The following IL17D variants were observed in gnomAD, a reference collection of about 807,000 sequenced individuals.
IL17D encodes interleukin 17D.
In IL17D, 10 loss-of-function variants were observed where a neutral mutation model predicts 5.7. The observed-to-expected ratio is 1.75, with a 90% confidence interval of 1.08 to 2.97. The LOEUF (loss-of-function observed/expected upper bound fraction) is 2.97, where lower values mean the gene tolerates loss of function less well. Among genes scored for constraint, IL17D ranks in the 30% most tolerant of loss-of-function variants. The pLI is 0.00. For missense variants in IL17D, 354 were observed against 292.7 expected, an observed-to-expected ratio of 1.21 and a Z score of -1.53; for synonymous variants, 172 against 141.7, an observed-to-expected ratio of 1.21 and a Z score of -1.52.
chr13:20,712,729 C>T (rs1341881228), intron 1 of IL17D: 1 of 151,882 alleles, frequency 6.6e-6, no homozygotes, highest in Admixed American at 6.6e-5. Context: ...ACGCGCGTCC[C>T]CACTGTCTTG....
chr13:20,721,808 G>C lies in IL17D; in HGVS notation c.463G>C (p.Val155Leu). The C allele has an allele frequency of 2.5e-6, 4 of 1,609,988 alleles. No homozygotes were observed. The highest frequency in any genetic ancestry group is 1.1e-5 in the South Asian group (1 of 91,044). ...RTPACAGGRS[V>L]YTEAYVTIPV... Reference sequence around the variant, plus strand: ...CCCCGCCTGCGCCGGCGGCCGTTCCGTCTACACCGAGGCCTACGTCACCAT... The same window carrying C: ...CCCCGCCTGCGCCGGCGGCCGTTCCCTCTACACCGAGGCCTACGTCACCAT... Residue 155 changes from valine to leucine, a missense_variant, in exon 2 of 2, where the codon GTC becomes CTC. Coordinates refer to ENST00000682841, the MANE Select transcript of IL17D (RefSeq NM_001385224.1).
intron 1 of IL17D, among the ~76,000 whole-genome samples, chr13:20,705,436 G>A (rs891585489): frequency 2.0e-5 from 3 of 152,162 alleles, no homozygotes; most frequent in Non-Finnish European, 2.9e-5. Context: ...TCACCCTCAC[G>A]CCTGGAATCC....
chr13:20,714,491 T>A (rs2058663775), intron 1 of IL17D, among the ~76,000 whole-genome samples: 1 of 152,236 alleles, frequency 6.6e-6, no homozygotes. Flanking sequence ...GTGCCTCAGT[T>A]TCCTCACGAG....
chr13:20,721,478 G>C (rs2058733691), intron 1 of IL17D, among the ~76,000 whole-genome samples, 158 bp from the exon 2 acceptor site: 1 of 152,258 alleles, frequency 6.6e-6, no homozygotes, highest in Non-Finnish European at 1.5e-5. Flanking sequence ...GGAAGCGCCG[G>C]GCAGATCTGT....
chr13:20,704,502 GGGTAC>G (rs1186923376), intron 1 of IL17D, among the ~76,000 whole-genome samples: 1 of 135,512 alleles, frequency 7.4e-6, no homozygotes, highest in Non-Finnish European at 1.6e-5. Flanking sequence ...AGACAGGGTA[GGGTAC>G]GGTAGGGTGG....
intron 1 of IL17D, among the ~76,000 whole-genome samples, chr13:20,715,037 C>T (rs772135007): frequency 8.5e-5 from 13 of 152,220 alleles, no homozygotes; most frequent in Non-Finnish European, 1.3e-4. Context: ...CCCCTTCCTT[C>T]CCCTGTGGTC....
chr13:20,711,628 C>T (rs1019695034), intron 1 of IL17D, among the ~76,000 whole-genome samples: 3 of 152,172 alleles, frequency 2.0e-5, no homozygotes, highest in Non-Finnish European at 2.9e-5. Flanking sequence ...CAACGGCATT[C>T]GAAGAGGCCA....
chr13:20,719,252 A>C (rs532644791), intron 1 of IL17D, among the ~76,000 whole-genome samples: 1 of 107,354 alleles, frequency 9.3e-6, no homozygotes, highest in African/African-American at 3.6e-5. Flanking sequence ...CACCTGCCCA[A>C]ACATGCCCAC....
chr13:20,706,209 G>A (rs895224875), intron 1 of IL17D, among the ~76,000 whole-genome samples: 7 of 152,184 alleles, frequency 4.6e-5, no homozygotes, highest in South Asian at 2.1e-4. Context: ...CACACATGGC[G>A]CCATTCATTC....
intron 1 of IL17D, among the ~76,000 whole-genome samples, chr13:20,720,885 C>G (rs963378751): frequency 7.1e-6 from 1 of 139,902 alleles, no homozygotes; most frequent in Admixed American, 7.1e-5. Context: ...CCCCCCCCCC[C>G]CTCCCCCGGC....
chr13:20,702,040 AGACT>A (rs1305362549), upstream of IL17D: 13 of 152,242 alleles, frequency 8.5e-5, no homozygotes, highest in Admixed American at 2.6e-4. Flanking sequence ...GAAATGAGAC[AGACT>A]GAGTATTTCT....
At chr13:20,708,135 A>C (rs2058604651) in intron 1 of IL17D, among the ~76,000 whole-genome samples, 1 of 152,088 alleles carries the variant, frequency 6.6e-6, no homozygotes, top group South Asian at 2.1e-4. Context: ...CTGGTCTCGA[A>C]CTCCTGGCCT....
chr13:20,722,288 C>A lies in IL17D; in HGVS notation c.*334C>A, dbSNP rs1233474295. 6.3e-6 allele frequency: 2 copies of A among 316,336 alleles called. No homozygotes were observed. Among genetic ancestry groups the A allele is most frequent in the African/African-American group, 2.2e-5 (1 of 46,054 alleles). 19.6% of individuals were successfully genotyped at this position (316,336 alleles called of 1,614,324 possible). ...CAGATCGGCTGCTGCGGGTGCAGGG[C>A]GTGACTCACCGCTGGGTGCTTGCCA... On this transcript the variant is annotated 3_prime_UTR_variant, in exon 2 of 2. Coordinates refer to ENST00000682841, the MANE Select transcript of IL17D (RefSeq NM_001385224.1).
intron 1 of IL17D, among the ~76,000 whole-genome samples, chr13:20,708,718 G>A (rs2058609284): frequency 6.6e-6 from 1 of 151,304 alleles, no homozygotes; most frequent in East Asian, 1.9e-4. Flanking sequence ...GACCAGTGAC[G>A]GCCGGGTGCG....
chr13:20,721,969 C>A lies in IL17D; in HGVS notation c.*15C>A, dbSNP rs779781360. ...CTGGCCCCTGAGGCCGGTCCTGCCC[C>A]GGGAGGTCTCCCCGGCCCGCATCCC... On this transcript the variant is annotated 3_prime_UTR_variant, in exon 2 of 2. Coordinates refer to ENST00000682841, the MANE Select transcript of IL17D (RefSeq NM_001385224.1). 5 of 1,562,862 alleles carry A rather than the reference C, an allele frequency of 3.2e-6. No homozygotes were observed. Among genetic ancestry groups the A allele is most frequent in the South Asian group, 2.4e-5 (2 of 85,034 alleles).
At chr13:20,709,603 G>T (rs558079072) in intron 1 of IL17D, among the ~76,000 whole-genome samples, 1 of 152,266 alleles carries the variant, frequency 6.6e-6, no homozygotes, top group African/African-American at 2.4e-5. Flanking sequence ...ACACATACAC[G>T]CACACAGGCA....
intron 1 of IL17D, among the ~76,000 whole-genome samples, chr13:20,719,257 G>A (rs966753082): frequency 1.5e-5 from 2 of 130,870 alleles, no homozygotes; most frequent in African/African-American, 5.9e-5. Context: ...GCCCAAACAT[G>A]CCCACACACA....
At chr13:20,709,248 A>G (rs1044987735) in intron 1 of IL17D, among the ~76,000 whole-genome samples, 2 of 149,720 alleles carry the variant, frequency 1.3e-5, no homozygotes, top group Non-Finnish European at 3.0e-5. Flanking sequence ...GCTTTTATGG[A>G]GGGCGATTTG....
At chr13:20,708,282 G>A (rs1445090332) in intron 1 of IL17D, among the ~76,000 whole-genome samples, 1 of 152,184 alleles carries the variant, frequency 6.6e-6, no homozygotes, top group East Asian at 1.9e-4. Flanking sequence ...GAGTACTGAT[G>A]GGCACAGCAA....
Sources: allele counts gnomAD v4.1 joint callset (sites outside exome capture counted in the v4.1 genomes callset), GRCh38; gene constraint gnomAD v4.1.1; transcripts MANE v1.5; gene names NCBI Gene and HGNC (gene_info 2026-07-23, HGNC 2026-07-21).